Variants in SUN1 observed in about 807,000 individuals in gnomAD.
SUN1 encodes SUN domain-containing protein 1.
In SUN1, 61 loss-of-function variants were observed where a neutral mutation model predicts 103.2. The ratio of observed to expected loss-of-function variants is 0.59; its 90% CI spans 0.48 to 0.73. The LOEUF (loss-of-function observed/expected upper bound fraction) is 0.73. Ranked by LOEUF, SUN1 falls within the 30% of genes least tolerant of loss-of-function variation. The pLI is 0.00. For synonymous variants in SUN1, 490 were observed against 425.7 expected, an observed-to-expected ratio of 1.15 and a Z score of -1.86; for missense variants, 1,052 against 1,034.6, an observed-to-expected ratio of 1.02 and a Z score of -0.23.
At chr7:832,071 C>T (rs1798486956), upstream of SUN1, 1 of 992,772 alleles carries the variant, frequency 1.0e-6, no homozygotes, top group Non-Finnish European at 1.2e-6. Flanking sequence ...TCTAGGAACG[C>T]ATACGCTGCT....
rs745489333 is a variant in SUN1, at chr7:866,046, G to A, written c.1959G>A (p.Gln653=). Residue 653 remains glutamine, a synonymous_variant, in exon 16 of 19, where the codon CAG becomes CAA. Transcript: ENST00000401592. ...GGATCCCGCTGTGGTACTTCTCGCA[G>A]TCCCCGCGCGTGGTCATCCAGGTGA... The part of the protein sequence containing the change: ...LFGIPLWYFS[Q]SPRVVIQPDI... 1.2e-5 allele frequency: 20 copies of A among 1,613,994 alleles called. No individual in the cohort carries two copies. Among genetic ancestry groups the A allele is most frequent in the South Asian group, 3.3e-5 (3 of 91,088 alleles).
chr7:817,559 G>C, intron 1 of SUN1: 1 of 1,526,684 alleles, frequency 6.6e-7, no homozygotes, highest in Non-Finnish European at 8.8e-7. Context: ...GCTGCGTCTG[G>C]CTCTGATTCC....
intron 3 of SUN1, chr7:842,468 C>T (rs1811044903): frequency 7.8e-6 from 2 of 256,438 alleles, no homozygotes; most frequent in African/African-American, 4.6e-5. Flanking sequence ...TTTATAAATG[C>T]ATTACTTTTG....
At chr7:827,627 G>T (rs1793722493), upstream of SUN1, among the ~76,000 whole-genome samples, 1 of 150,698 alleles carries the variant, frequency 6.6e-6, no homozygotes, top group Admixed American at 6.6e-5. Flanking sequence ...CCGCCACCAC[G>T]CCCGGCTAAT....
intron 5 of SUN1, chr7:848,521 G>A: frequency 7.3e-7 from 1 of 1,363,622 alleles, no homozygotes; most frequent in Non-Finnish European, 9.8e-7. Flanking sequence ...TTTTAATGAA[G>A]CTCAGTTATG....
In SUN1 at chr7:874,011, T is replaced by C. The variant is rs1843178294; in HGVS notation, c.*680T>C. On this transcript the variant is annotated 3_prime_UTR_variant, in exon 19 of 19. Coordinates refer to ENST00000401592, the MANE Select transcript of SUN1 (RefSeq NM_001130965.3). ...GAAGTCAGTCTGACTTGAAGGGGCC[T>C]GGTTTGGATCTAAGCAAACACCCAG... is the stretch of plus-strand genomic sequence containing the variant. The C allele has an allele frequency of 6.6e-6, 1 of 152,248 alleles. No homozygotes were observed. Among genetic ancestry groups the C allele is most frequent in the South Asian group, 2.1e-4 (1 of 4,836 alleles). The allele number at this position is 152,248 out of a possible 1,614,324, so 9.4% of individuals were successfully genotyped here. A position where few individuals can be genotyped will look rare whatever the true frequency, so the allele number is the denominator to read the frequency against.
intron 16 of SUN1, chr7:868,608 G>T (rs1465257536): frequency 9.3e-6 from 1 of 107,660 alleles, no homozygotes; most frequent in Non-Finnish European, 1.6e-5. Context: ...TGGTCGGATG[G>T]GGGGGCAGTG....
intron 1 of SUN1, among the ~76,000 whole-genome samples, chr7:835,446 G>T (rs1242310160): frequency 6.6e-6 from 1 of 152,236 alleles, no homozygotes; most frequent in African/African-American, 2.4e-5. Context: ...AATGTATTTA[G>T]TCAGTGTTCC....
rs769627544 is a variant in SUN1 at position 852,029 on chromosome 7, G to T, written c.837G>T (p.Val279=). The change falls in exon 7 of 19, where the codon GTG becomes GTT. Residue 279 remains valine, a synonymous_variant. Coordinates refer to ENST00000401592, the MANE Select transcript of SUN1 (RefSeq NM_001130965.3). The part of the protein sequence containing the change: ...QFVTLISWLN[V]FLLTRCLRNI... Reference sequence around the variant, plus strand: ...TTACTTTGATTTCTTGGCTGAATGTGTTTCTTCTTACCAGGTAAGGAAATG... The same window carrying T: ...TTACTTTGATTTCTTGGCTGAATGTTTTTCTTCTTACCAGGTAAGGAAATG... 3.9e-5 allele frequency: 63 copies of T among 1,614,018 alleles called. 2 individuals are homozygous for T. The South Asian group carries it at 6.8e-4, about 17-fold the overall frequency.
intron 1 of SUN1, among the ~76,000 whole-genome samples, chr7:821,266 T>G (rs995580873): frequency 2.7e-5 from 4 of 149,570 alleles, no homozygotes; most frequent in African/African-American, 7.4e-5. Flanking sequence ...GCCTCCCATG[T>G]TCAAGTGATT....
Position 838,875 on chromosome 7 carries a change from C to T in SUN1, c.155C>T (p.Ser52Phe). The T allele has an allele frequency of 6.2e-7, 1 of 1,603,690 alleles. No homozygotes were observed. Among genetic ancestry groups the T allele is most frequent in the South Asian group, 1.1e-5 (1 of 88,530 alleles). Residue 52 changes from serine to phenylalanine, a missense_variant, in exon 2 of 19, where the codon TCC becomes TTC. Physicochemically the swap from Ser to Phe is radical, Grantham distance 155 (BLOSUM62 -2). This residue lies in a region of SUN1 where 846 missense variants were observed against 774.5 expected (regional missense o/e 1.09). Coordinates refer to ENST00000401592, the MANE Select transcript of SUN1 (RefSeq NM_001130965.3). ...CCTGTATTTGATTCTCCACGGATGT[C>T]CCGCCGTAGTTTGCGCCTGGCCACG... is the stretch of plus-strand genomic sequence containing the variant. ...LDPVFDSPRM[S>F]RRSLRLATTA...
rs1029869028 is a variant in SUN1, at chr7:856,341, T to C, written c.1351-17T>C. 1.2e-6 allele frequency: 2 copies of C among 1,613,056 alleles called. No homozygotes were observed. Among genetic ancestry groups the C allele is most frequent in the Non-Finnish European group, 1.7e-6 (2 of 1,179,042 alleles). The stretch of plus-strand genomic sequence containing the variant: ...ATAACTTATGTGTTTCAGTAGACTA[T>C]TTCTCATACTTTTTAGGCCATCCAG... On this transcript the variant is annotated splice_polypyrimidine_tract_variant and intron_variant, in intron 11 of 18. Transcript: ENST00000401592.
At chr7:828,306 C>CT (rs544333854), upstream of SUN1, among the ~76,000 whole-genome samples, 460 of 152,126 alleles carry the variant, frequency 3.0e-3, 4 homozygotes, top group African/African-American at 0.01. Flanking sequence ...GAGTCTCACT[C>CT]TGTCACCCAG....
chr7:852,990 A>T (rs377208699), intron 9 of SUN1, 38 bp downstream of exon 9: 6 of 1,587,224 alleles, frequency 3.8e-6, no homozygotes, highest in African/African-American at 1.4e-5. Context: ...GGCACTGCAC[A>T]TGTGAGGTCT....
At chr7:841,267 G>A (rs1384290786) in intron 2 of SUN1, among the ~76,000 whole-genome samples, 8 of 122,958 alleles carry the variant, frequency 6.5e-5, no homozygotes, top group East Asian at 2.5e-4. Flanking sequence ...TTTTTGAGCC[G>A]GAGTCTGGCT....
At chr7:837,977 C>T (rs1314748712) in intron 1 of SUN1, among the ~76,000 whole-genome samples, 3 of 152,240 alleles carry the variant, frequency 2.0e-5, no homozygotes, top group African/African-American at 7.2e-5. Context: ...CTCTTGTCCC[C>T]ACCTCAGCCT....
chr7:842,031 C>A lies in SUN1; in HGVS notation c.352C>A (p.His118Asn). 1 of 1,613,872 alleles carries A rather than the reference C, an allele frequency of 6.2e-7. No individual in the cohort carries two copies. The highest frequency in any genetic ancestry group is 8.5e-7 in the Non-Finnish European group (1 of 1,179,968). Residue 118 changes from histidine to asparagine, a missense_variant, in exon 3 of 19, where the codon CAC (histidine) becomes AAC (asparagine). Physicochemically the swap from His to Asn is moderately conservative, Grantham distance 68. Transcript: ENST00000401592. ...SRQVTSSGVS[H>N]GGTVSLQDAV... Reference sequence around the variant, plus strand: ...GCAGGTCACGTCCTCTGGCGTCAGCCACGGCGGCACTGTCAGCCTGCAGGA... The same window carrying A: ...GCAGGTCACGTCCTCTGGCGTCAGCAACGGCGGCACTGTCAGCCTGCAGGA...
rs376442166 is a variant in SUN1 at position 852,797 on chromosome 7, T to A, written c.911-13T>A. 5.0e-6 allele frequency: 8 copies of A among 1,610,996 alleles called. No individual in the cohort carries two copies. Among genetic ancestry groups the A allele is most frequent in the Non-Finnish European group, 6.8e-6 (8 of 1,178,082 alleles). On this transcript the variant is annotated splice_polypyrimidine_tract_variant and intron_variant, in intron 8 of 18. Transcript: ENST00000401592. ...GGTGTACCTGTGTGTGTGTGGTGGCTCTTCTCTTTTAGCAGGTCTCTCCTT... is the reference window on the plus strand; with the variant it reads ...GGTGTACCTGTGTGTGTGTGGTGGCACTTCTCTTTTAGCAGGTCTCTCCTT...
intron 1 of SUN1, among the ~76,000 whole-genome samples, chr7:833,390 A>G (rs1218787973): frequency 4.0e-5 from 6 of 151,164 alleles, no homozygotes; most frequent in African/African-American, 7.3e-5. Context: ...GGCTCACTGC[A>G]ACATCCGCCT....
Sources: allele counts gnomAD v4.1 joint callset (sites outside exome capture counted in the v4.1 genomes callset), GRCh38; gene constraint gnomAD v4.1.1; regional missense constraint gnomAD v4.1.1; transcripts MANE v1.5; gene names NCBI Gene and HGNC (gene_info 2026-07-23, HGNC 2026-07-21).